VPS13B: variants seen among roughly 807,000 people sequenced by gnomAD.
VPS13B encodes the protein intermembrane lipid transfer protein VPS13B.
In VPS13B, 285 loss-of-function variants were observed where a neutral mutation model predicts 426.4. That is an observed-to-expected ratio of 0.67 (90% CI 0.61 to 0.74). The LOEUF is 0.74. VPS13B is among the 30% of genes least tolerant of loss of function. The pLI is 0.00. For missense variants in VPS13B, 4,537 were observed against 4,782.6 expected, an observed-to-expected ratio of 0.95 and a Z score of 1.51; for synonymous variants, 1,676 against 1,676.4, an observed-to-expected ratio of 1.00 and a Z score of 0.01.
intron 24 of VPS13B, among the ~76,000 whole-genome samples, chr8:99,474,208 A>C (rs1227065124): frequency 1.0e-5 from 1 of 96,768 alleles, no homozygotes; most frequent in Admixed American, 1.3e-4. Context: ...TTTTTTGTGG[A>C]GACAGAGTCT....
At chr8:99,242,238 C>T (rs1010804734) in intron 17 of VPS13B, among the ~76,000 whole-genome samples, 5 of 152,182 alleles carry the variant, frequency 3.3e-5, no homozygotes, top group Non-Finnish European at 2.9e-5. Flanking sequence ...CCCACCTTGG[C>T]CTCCCAAAGT....
chr8:99,501,840 C>G lies in VPS13B; in HGVS notation c.4024C>G (p.Pro1342Ala). ...TACTATAAAGCTCTTTGCTCCAGAT[C>G]CTGAAAATAAAGGCACAGGTACAGG... is the stretch of plus-strand genomic sequence containing the variant. ...KITIKLFAPDPENKGTEVCMV... is the reference protein window; with the variant it reads ...KITIKLFAPDAENKGTEVCMV... The change falls in exon 26 of 62, where the codon CCT (proline) becomes GCT (alanine). Residue 1342 changes from proline to alanine, a missense_variant. This residue lies in a region of VPS13B where 4,311 missense variants were observed against 4,474.3 expected (regional missense o/e 0.96). Transcript: ENST00000357162. 2.5e-6 allele frequency: 4 copies of G among 1,613,892 alleles called. No homozygotes were observed. Among genetic ancestry groups the G allele is most frequent in the Non-Finnish European group, 3.4e-6 (4 of 1,179,960 alleles).
At chr8:99,576,988 G>T (rs1408111299) in intron 32 of VPS13B, among the ~76,000 whole-genome samples, 2 of 152,000 alleles carry the variant, frequency 1.3e-5, no homozygotes, top group Non-Finnish European at 2.9e-5. Context: ...GCCTAAAATT[G>T]TCTGTTTACA....
At chr8:99,807,897 A>G (rs1402749115) in intron 43 of VPS13B, among the ~76,000 whole-genome samples, 2 of 148,916 alleles carry the variant, frequency 1.3e-5, no homozygotes, top group South Asian at 2.2e-4. Context: ...AAAAAGCCCT[A>G]TCTTAACATC....
chr8:99,542,591 A>C (rs1383018157), intron 30 of VPS13B, among the ~76,000 whole-genome samples: 1 of 152,142 alleles, frequency 6.6e-6, no homozygotes, highest in East Asian at 1.9e-4. Flanking sequence ...AGTGATTGAG[A>C]TCAGACTGTG....
At chr8:99,776,985 A>G in intron 41 of VPS13B, 29 bp downstream of exon 41, 1 of 1,595,392 alleles carries the variant, frequency 6.3e-7, no homozygotes, top group Non-Finnish European at 8.6e-7. Flanking sequence ...TCAGAATAAC[A>G]TCCATTTAAT....
At chr8:99,231,343 C>A (rs1280145030) in intron 17 of VPS13B, among the ~76,000 whole-genome samples, 3 of 151,774 alleles carry the variant, frequency 2.0e-5, no homozygotes, top group African/African-American at 7.3e-5. Context: ...ACACTGTTTG[C>A]AGTAGAGGAA....
chr8:99,170,148 A>G lies in VPS13B; in HGVS notation c.2318A>G (p.Lys773Arg). 2 of 1,612,680 alleles carry G rather than the reference A, an allele frequency of 1.2e-6. No homozygotes were observed. Among genetic ancestry groups the G allele is most frequent in the Non-Finnish European group, 1.7e-6 (2 of 1,178,922 alleles). The part of the protein sequence containing the change: ...FSTALYGKLL[K>R]LPTCWTKRSQ... ...ACTGCTCTTTATGGGAAACTTCTGAAACTCCCCACATGCTGGTAAGTCTTA... is the reference window on the plus strand; with the variant it reads ...ACTGCTCTTTATGGGAAACTTCTGAGACTCCCCACATGCTGGTAAGTCTTA... The change falls in exon 16 of 62, where the codon AAA (lysine) becomes AGA (arginine). Residue 773 changes from lysine to arginine, a missense_variant. This residue lies in a region of VPS13B where 4,311 missense variants were observed against 4,474.3 expected (regional missense o/e 0.96). Transcript: ENST00000357162.
At chr8:99,635,186 C>G (rs12541307) in intron 33 of VPS13B, among the ~76,000 whole-genome samples, 20,873 of 151,840 alleles carry the variant, frequency 0.14, 1,980 homozygotes, top group East Asian at 0.39. Context: ...AATACTGTAA[C>G]TTTTTTTACT....
chr8:99,876,587 A>G lies in VPS13B; in HGVS notation c.*921A>G, dbSNP rs1817711669. On this transcript the variant is annotated 3_prime_UTR_variant, in exon 62 of 62. Transcript: ENST00000357162. Reference sequence around the variant, plus strand: ...CCCCAATATTAATGCTAACAATTATACCAGTCCATTTTGTTTATTCTGTGG... The same window carrying G: ...CCCCAATATTAATGCTAACAATTATGCCAGTCCATTTTGTTTATTCTGTGG... The G allele has an allele frequency of 6.6e-6, 1 of 152,206 alleles. No homozygotes were observed. The highest frequency in any genetic ancestry group is 6.5e-5 in the Admixed American group (1 of 15,276). 9.4% of individuals were successfully genotyped at this position (152,206 alleles called of 1,614,324 possible).
intron 21 of VPS13B, among the ~76,000 whole-genome samples, chr8:99,394,222 A>AT: frequency 6.6e-6 from 1 of 152,272 alleles, no homozygotes; most frequent in Non-Finnish European, 1.5e-5. Flanking sequence ...TATTAAAATT[A>AT]TTTTTTAAAT....
At chr8:99,565,332 A>T (rs1004746805) in intron 31 of VPS13B, among the ~76,000 whole-genome samples, 2 of 151,162 alleles carry the variant, frequency 1.3e-5, no homozygotes, top group Non-Finnish European at 2.9e-5. Context: ...ATTTTTATAT[A>T]CACATAATAA....
chr8:99,054,858 T>C (rs1196710659), intron 3 of VPS13B, among the ~76,000 whole-genome samples: 1 of 152,184 alleles, frequency 6.6e-6, no homozygotes, highest in Non-Finnish European at 1.5e-5. Context: ...AATGGTCTTG[T>C]CACTCTTGTT....
intron 21 of VPS13B, among the ~76,000 whole-genome samples, chr8:99,413,107 T>C (rs1043072252): frequency 4.6e-5 from 7 of 152,226 alleles, no homozygotes; most frequent in African/African-American, 1.7e-4. Context: ...CTTTTTATAT[T>C]GTTTGGAATA....
At chr8:99,147,160 G>A (rs1810779028) in intron 13 of VPS13B, among the ~76,000 whole-genome samples, 3 of 152,142 alleles carry the variant, frequency 2.0e-5, no homozygotes, top group Admixed American at 6.5e-5. Context: ...TGCCCAGGCT[G>A]GAGTACAGTG....
intron 2 of VPS13B, among the ~76,000 whole-genome samples, chr8:99,034,942 C>T (rs2132210494): frequency 6.6e-6 from 1 of 152,250 alleles, no homozygotes; most frequent in Admixed American, 6.5e-5. Context: ...TGCCTGCAAT[C>T]CCAGCACTTT....
At chr8:99,428,540 T>C (rs1361793491) in intron 21 of VPS13B, among the ~76,000 whole-genome samples, 2 of 152,130 alleles carry the variant, frequency 1.3e-5, no homozygotes, top group Non-Finnish European at 2.9e-5. Flanking sequence ...AAAATGCTCA[T>C]CATCACTGGC....
At chr8:99,632,119 G>C (rs910462500) in intron 33 of VPS13B, among the ~76,000 whole-genome samples, 2 of 151,808 alleles carry the variant, frequency 1.3e-5, no homozygotes, top group Non-Finnish European at 2.9e-5. Flanking sequence ...GTGCTAATTT[G>C]GTAATAGTGT....
intron 35 of VPS13B, among the ~76,000 whole-genome samples, chr8:99,670,664 C>T (rs1319463509): frequency 1.3e-5 from 2 of 152,196 alleles, no homozygotes; most frequent in Non-Finnish European, 2.9e-5. Context: ...CCCCTGGCAA[C>T]AAACATTCTA....
Sources: gnomAD v4.1 joint callset for allele counts (sites outside exome capture counted in the v4.1 genomes callset) on GRCh38, gnomAD v4.1.1 for gene constraint, gnomAD v4.1.1 regional missense constraint, MANE v1.5 for transcripts, NCBI Gene and HGNC (gene_info 2026-07-23, HGNC 2026-07-21) for gene names.